ARHGAP32: variants seen among roughly 807,000 people sequenced by gnomAD.
ARHGAP32 encodes the protein rho GTPase-activating protein 32.
Under a neutral mutation model 186.5 loss-of-function variants are expected in ARHGAP32, and 51 were observed. That is an observed-to-expected ratio of 0.27 (90% CI 0.22 to 0.35). ARHGAP32 has a LOEUF of 0.35. Ranked by LOEUF, ARHGAP32 falls within the 10% of genes least tolerant of loss-of-function variation. The pLI, the probability that ARHGAP32 is intolerant of heterozygous loss-of-function variation, is 1.00. For missense variants in ARHGAP32, 2,186 were observed against 2,623.5 expected, an observed-to-expected ratio of 0.83 and a Z score of 3.64; for synonymous variants, 950 against 964.3, an observed-to-expected ratio of 0.99 and a Z score of 0.27.
Position 129,045,308 on chromosome 11 carries a change from G to A in ARHGAP32, c.964-4299C>T, listed in dbSNP as rs564850695. Among the ~76,000 whole-genome samples the A allele has an allele frequency of 7.2e-5, 11 of 152,324 alleles. No individual in the cohort carries two copies. The South Asian group carries it at 2.3e-3, about 32-fold the overall frequency. On this transcript the variant is annotated intron_variant, in intron 10 of 22. Coordinates refer to ENST00000682385, the MANE Select transcript of ARHGAP32 (RefSeq NM_001378024.1). ...CTTGACCATAAGTGAAAAGCTGAGA[G>A]AACCTTAGAGACTCCTGCCTGGCAT...
intron 2 of ARHGAP32, among the ~76,000 whole-genome samples, chr11:129,157,415 A>G (rs2439807): frequency 0.64 from 97,262 of 151,634 alleles, 31,622 homozygotes; most frequent in Non-Finnish European, 0.71. Context: ...AACACAGCAC[A>G]AGAACATCGT....
intron 1 of ARHGAP32, among the ~76,000 whole-genome samples, chr11:129,197,903 T>C (rs977599041): frequency 3.9e-5 from 6 of 152,220 alleles, no homozygotes; most frequent in Admixed American, 1.3e-4. Context: ...TATATATACA[T>C]TGACATTTGG....
At position 128,970,973 on chromosome 11, in the gene ARHGAP32, C is replaced by G; in HGVS notation, c.4240G>C (p.Glu1414Gln). 4.3e-6 allele frequency: 7 copies of G among 1,613,874 alleles called. No homozygotes were observed. Among genetic ancestry groups the G allele is most frequent in the Non-Finnish European group, 5.9e-6 (7 of 1,180,004 alleles). ...ARVPLLHLRA[E>Q]SVPAHPCGFP... ...CCACAGGGATGCGCAGGGACAGACT[C>G]GGCGCGCAGGTGCAGCAGCGGGACC... The change falls in exon 23 of 23, where the codon GAG (glutamate) becomes CAG (glutamine). Residue 1414 changes from glutamate to glutamine, a missense_variant. By Grantham distance (29) the Glu-to-Gln change is conservative. This residue lies in a region of ARHGAP32 where 1,502 missense variants were observed against 1,570.0 expected (regional missense o/e 0.96). Coordinates refer to ENST00000682385, the MANE Select transcript of ARHGAP32 (RefSeq NM_001378024.1). This position sits in a 1 kb window ranked among gnomAD's most constrained non-coding sequence, Gnocchi z 5.8.
chr11:129,086,793 C>T (rs1489839286), intron 6 of ARHGAP32, among the ~76,000 whole-genome samples: 1 of 148,630 alleles, frequency 6.7e-6, no homozygotes, highest in African/African-American at 2.5e-5. Context: ...TGCACTCCAG[C>T]CTGGGCGACA....
chr11:129,121,829 C>T (rs920890545), intron 5 of ARHGAP32, among the ~76,000 whole-genome samples: 1 of 151,952 alleles, frequency 6.6e-6, no homozygotes, highest in Non-Finnish European at 1.5e-5. Context: ...AGACACAGTC[C>T]TCCAATTAAG....
At chr11:129,177,700 CAAT>C (rs1943951344) in intron 1 of ARHGAP32, among the ~76,000 whole-genome samples, 1 of 152,112 alleles carries the variant, frequency 6.6e-6, no homozygotes, top group Admixed American at 6.6e-5. Flanking sequence ...ATGATTATCT[CAAT>C]AGATGCAGAA....
chr11:129,121,303 T>C (rs933299227), intron 5 of ARHGAP32, among the ~76,000 whole-genome samples: 1 of 152,112 alleles, frequency 6.6e-6, no homozygotes, highest in Admixed American at 6.5e-5. Context: ...GATGCTATTA[T>C]AGTTCTTTTG....
chr11:129,139,989 A>C (rs1230499173), intron 2 of ARHGAP32, among the ~76,000 whole-genome samples: 2 of 152,202 alleles, frequency 1.3e-5, no homozygotes, highest in Admixed American at 6.6e-5. Flanking sequence ...TAGAGGGTGC[A>C]AATGTAATTA....
intron 1 of ARHGAP32, among the ~76,000 whole-genome samples, chr11:129,183,566 C>T (rs1178175326): frequency 6.6e-6 from 1 of 152,024 alleles, no homozygotes. Flanking sequence ...TTTGTTGCTC[C>T]TGAAAGTGGC....
chr11:129,272,846 T>C (rs534947052), intron 1 of ARHGAP32, among the ~76,000 whole-genome samples: 1 of 152,368 alleles, frequency 6.6e-6, no homozygotes, highest in South Asian at 2.1e-4. Flanking sequence ...CGCTTTATTT[T>C]TCAGAAGGGT....
intron 5 of ARHGAP32, among the ~76,000 whole-genome samples, chr11:129,122,986 G>A (rs1035314493): frequency 1.3e-5 from 2 of 152,098 alleles, no homozygotes; most frequent in African/African-American, 4.8e-5. Flanking sequence ...AGCAAAGTAT[G>A]TAGGTTGATG....
rs566270719 is a variant in ARHGAP32, at chr11:129,073,141, T to A, written c.532-6273A>T. On this transcript the variant is annotated intron_variant, in intron 6 of 22. Coordinates refer to ENST00000682385, the MANE Select transcript of ARHGAP32 (RefSeq NM_001378024.1). ...TTCCCCCTACACACACACCTTACCA[T>A]CACATTACTAACGGGCTATTTAACA... 3.3e-5 allele frequency among the ~76,000 whole-genome samples: 5 copies of A among 152,262 alleles called. No individual in the cohort carries two copies. In the East Asian group the frequency reaches 7.7e-4, roughly 24 times the overall value.
At chr11:129,125,362 A>G (rs547913353) in intron 2 of ARHGAP32, among the ~76,000 whole-genome samples, 1 of 152,242 alleles carries the variant, frequency 6.6e-6, no homozygotes, top group East Asian at 1.9e-4. Flanking sequence ...CAGTTTTCAT[A>G]GTGGTGAATT....
Position 129,066,763 on chromosome 11 carries a change from G to C in ARHGAP32, c.637C>G (p.Pro213Ala), listed in dbSNP as rs1565405237. The C allele has an allele frequency of 1.2e-6, 2 of 1,612,416 alleles. No homozygotes were observed. Among genetic ancestry groups the C allele is most frequent in the Admixed American group, 3.3e-5 (2 of 59,834 alleles). ...DRRFSQLSEL[P>A]RSDTLKDSPE... ...CTGTCCTTCAGGGTGTCAGAACGGG[G>C]AAGTTCTGAGAGCTGGGAAAATCTT... The change falls in exon 7 of 23, where the codon CCC becomes GCC. Residue 213 changes from proline to alanine, a missense_variant. Pro to Ala is a conservative substitution (Grantham distance 27). Around this residue, in one of 5 missense-constraint regions of ARHGAP32, gnomAD observed 308 missense variants for 596.5 expected, o/e 0.52. Transcript: ENST00000682385.
chr11:129,202,217 T>TTTAA (rs1482279640), intron 1 of ARHGAP32, among the ~76,000 whole-genome samples: 2 of 152,196 alleles, frequency 1.3e-5, no homozygotes, highest in African/African-American at 2.4e-5. Context: ...TTTACATATT[T>TTTAA]TTAACTTTCT....
chr11:129,266,682 A>G lies in ARHGAP32; in HGVS notation c.-5+12464T>C, dbSNP rs1321285532. ...AACCAGAGTTTTACTTGCATAGAAC[A>G]GTACTGCTTAGACCTAAACAATGGC... On this transcript the variant is annotated intron_variant, in intron 1 of 6. Transcript: ENST00000525234. Among the ~76,000 whole-genome samples, 3 of 152,220 alleles carry G rather than the reference A, an allele frequency of 2.0e-5. No homozygotes were observed. The East Asian group carries it at 5.8e-4, about 29-fold the overall frequency.
At chr11:129,165,060 C>A (rs1322706723) in intron 1 of ARHGAP32, among the ~76,000 whole-genome samples, 1 of 151,950 alleles carries the variant, frequency 6.6e-6, no homozygotes, top group Non-Finnish European at 1.5e-5. Context: ...GAAATAGAGC[C>A]CAAGATAATA....
chr11:129,047,667 C>T (rs1187302900), intron 10 of ARHGAP32, among the ~76,000 whole-genome samples: 1 of 152,056 alleles, frequency 6.6e-6, no homozygotes, highest in East Asian at 1.9e-4. Flanking sequence ...TACAAATTCA[C>T]AGGCTATTGT....
chr11:129,238,564 T>C (rs1944967569), intron 1 of ARHGAP32, among the ~76,000 whole-genome samples: 1 of 152,114 alleles, frequency 6.6e-6, no homozygotes, highest in Non-Finnish European at 1.5e-5. Context: ...GAGTAATACA[T>C]ACACTGATGG....
Sources: gnomAD v4.1 joint callset for allele counts (sites outside exome capture counted in the v4.1 genomes callset) on GRCh38, gnomAD v4.1.1 for gene constraint, gnomAD v4.1.1 regional missense constraint, Gnocchi (gnomAD v3.1) non-coding constraint, MANE v1.5 for transcripts, NCBI Gene and HGNC (gene_info 2026-07-23, HGNC 2026-07-21) for gene names.